WDFY4: variants seen among roughly 807,000 people sequenced by gnomAD.
The protein encoded by WDFY4 is WDFY family member 4.
Under a neutral mutation model 351.9 loss-of-function variants are expected in WDFY4, and 169 were observed. That is an observed-to-expected ratio of 0.48 (90% CI 0.42 to 0.55). The LOEUF is 0.55. Ranked by LOEUF, WDFY4 falls within the 20% of genes least tolerant of loss-of-function variation. WDFY4 has a pLI of 0.00. For missense variants in WDFY4, 3,803 were observed against 3,935.6 expected, an observed-to-expected ratio of 0.97 and a Z score of 0.90; for synonymous variants, 1,622 against 1,574.6, an observed-to-expected ratio of 1.03 and a Z score of -0.71.
intron 1 of WDFY4, among the ~76,000 whole-genome samples, chr10:48,688,172 C>T (rs1403280795): frequency 6.6e-6 from 1 of 152,204 alleles, no homozygotes; most frequent in African/African-American, 2.4e-5. Flanking sequence ...GTTCTCTATT[C>T]TGTCAATTTG....
intron 13 of WDFY4, among the ~76,000 whole-genome samples, chr10:48,768,562 A>G (rs2065750554): frequency 6.6e-6 from 1 of 152,282 alleles, no homozygotes; most frequent in East Asian, 1.9e-4. Flanking sequence ...ACTATCTGTC[A>G]GCCCTCTGGG....
chr10:48,896,568 G>A (rs1202147257), intron 44 of WDFY4, among the ~76,000 whole-genome samples: 1 of 152,178 alleles, frequency 6.6e-6, no homozygotes, highest in East Asian at 1.9e-4. Context: ...GGCCAGGCTG[G>A]GCAGCCTCTC....
At chr10:48,979,075 C>T (rs1393528561) in intron 60 of WDFY4, 7 of 152,282 alleles carry the variant, frequency 4.6e-5, no homozygotes, top group Non-Finnish European at 1.0e-4. Flanking sequence ...CTACTGTGTC[C>T]TAGGCTCTAT....
rs984791039 is a variant in WDFY4, at chr10:48,790,775, T to C, written c.4115T>C (p.Ile1372Thr). 1.1e-5 allele frequency: 17 copies of C among 1,551,674 alleles called. No homozygotes were observed. In the African/African-American group the frequency reaches 1.6e-4, roughly 15 times the overall value. Reference sequence around the variant, plus strand: ...CCTGCTGCCAGCAGCCTGGACTTCATTGGCGGGCCTGCCATCCTCCTGGGC... The same window carrying C: ...CCTGCTGCCAGCAGCCTGGACTTCACTGGCGGGCCTGCCATCCTCCTGGGC... ...SSPAASSLDF[I>T]GGPAILLGLI... Residue 1372 changes from isoleucine (I) to threonine (T), a missense_variant, in exon 23 of 62, where the codon ATT becomes ACT. Ile to Thr is a moderately conservative substitution (Grantham distance 89, BLOSUM62 -1). Transcript: ENST00000325239.
intron 47 of WDFY4, among the ~76,000 whole-genome samples, chr10:48,903,079 C>T (rs1837441057): frequency 6.6e-6 from 1 of 152,086 alleles, no homozygotes; most frequent in Non-Finnish European, 1.5e-5. Context: ...CACTGCACTC[C>T]AGCCTGGGCG....
chr10:48,827,502 G>T (rs942759076), intron 36 of WDFY4, among the ~76,000 whole-genome samples: 8 of 145,082 alleles, frequency 5.5e-5, no homozygotes, highest in African/African-American at 1.8e-4. Context: ...AGAGAGACAG[G>T]AATTATGTTC....
chr10:48,957,131 C>T lies in WDFY4; in HGVS notation c.7980C>T (p.Gly2660=), dbSNP rs745579627. The change falls in exon 52 of 62, where the codon GGC becomes GGT. Residue 2660 remains glycine, a splice_region_variant and synonymous_variant. Transcript: ENST00000325239. ...PFTQAFCALQ[G]GSFDVADRMF... ...CATGTTGGCTCCATTTCCCCCAGGGCGGAAGCTTCGACGTGGCAGACAGAA... is the reference window on the plus strand; with the variant it reads ...CATGTTGGCTCCATTTCCCCCAGGGTGGAAGCTTCGACGTGGCAGACAGAA... 2.9e-5 allele frequency: 45 copies of T among 1,548,996 alleles called. No individual in the cohort carries two copies. The highest frequency in any genetic ancestry group is 1.7e-4 in the Middle Eastern group (1 of 6,004).
chr10:48,755,412 T>C (rs898145317), intron 12 of WDFY4, among the ~76,000 whole-genome samples: 3 of 152,208 alleles, frequency 2.0e-5, no homozygotes, highest in African/African-American at 4.8e-5. Flanking sequence ...TTTTATGTAT[T>C]GCACTTTTAT....
intron 1 of WDFY4, among the ~76,000 whole-genome samples, chr10:48,697,400 T>C (rs1323698048): frequency 1.3e-5 from 2 of 152,214 alleles, no homozygotes; most frequent in African/African-American, 4.8e-5. Flanking sequence ...GCAATCACCT[T>C]AGACCTTGTA....
Position 48,969,017 on chromosome 10 carries a change from G to T in WDFY4, c.8585-47G>T, listed in dbSNP as rs771412009. On this transcript the variant is annotated intron_variant, in intron 55 of 61. Coordinates refer to ENST00000325239, the MANE Select transcript of WDFY4 (RefSeq NM_001394531.1). ...CCTGCCTGGGGGCCCAGCTGTAGTG[G>T]GTGCTGTTCTTCCATGCATAAGTTC... 3.3e-6 allele frequency: 5 copies of T among 1,533,786 alleles called. No individual in the cohort carries two copies. In the South Asian group the frequency reaches 6.0e-5, roughly 18 times the overall value.
intron 20 of WDFY4, among the ~76,000 whole-genome samples, chr10:48,787,882 CTTCTTCTTCTCCTTCTTCTTCTTCTTCTT>C (rs2066486165): frequency 1.2e-5 from 1 of 85,162 alleles, no homozygotes; most frequent in Admixed American, 1.1e-4. Context: ...TTCTTTCTTT[CTTCTTCTTCTCCTTCTTCTTCTTCTTCTT>C]CTTCTTCTTC....
chr10:48,933,746 T>C (rs1840177623), intron 47 of WDFY4, among the ~76,000 whole-genome samples: 1 of 152,132 alleles, frequency 6.6e-6, no homozygotes. Flanking sequence ...GAGTTGGCGA[T>C]GGGGCTGGCA....
At chr10:48,938,872 G>T (rs956640792) in intron 47 of WDFY4, among the ~76,000 whole-genome samples, 3 of 152,170 alleles carry the variant, frequency 2.0e-5, no homozygotes, top group Non-Finnish European at 4.4e-5. Flanking sequence ...ACCTGTCCTG[G>T]GTGGGAAGGG....
intron 35 of WDFY4, chr10:48,823,825 A>C: frequency 1.0e-6 from 1 of 988,156 alleles, no homozygotes; most frequent in Non-Finnish European, 1.2e-6. Context: ...GCTGTCTGTG[A>C]TGCCTGCCCC....
intron 2 of WDFY4, among the ~76,000 whole-genome samples, chr10:48,710,764 A>C (rs2063748496): frequency 1.3e-5 from 2 of 152,172 alleles, no homozygotes; most frequent in Admixed American, 1.3e-4. Flanking sequence ...CCAGAGCTTC[A>C]CTCACATCCC....
At position 48,878,984 on chromosome 10, in the gene WDFY4, A is replaced by G. The variant is rs566001586; in HGVS notation, c.7167+1785A>G. Among the ~76,000 whole-genome samples the G allele has an allele frequency of 1.4e-3, 210 of 152,372 alleles. 1 individual carries two copies. The highest frequency in any genetic ancestry group is 4.7e-3 in the African/African-American group (196 of 41,584). On this transcript the variant is annotated intron_variant, in intron 43 of 61. Coordinates refer to ENST00000325239, the MANE Select transcript of WDFY4 (RefSeq NM_001394531.1). ...GAAATTTTGATAAATGGATATTAAA[A>G]TATATAACACATGTATGCATAAGTG...
chr10:48,695,886 C>T (rs954948386), intron 1 of WDFY4, among the ~76,000 whole-genome samples: 1 of 152,148 alleles, frequency 6.6e-6, no homozygotes, highest in Non-Finnish European at 1.5e-5. Context: ...GCCCCTTCCA[C>T]AGGACACTGT....
rs1381618810 is a variant in WDFY4, at chr10:48,976,977, C to T, written c.9289C>T (p.Arg3097Trp). 1.4e-6 allele frequency: 2 copies of T among 1,440,806 alleles called. No homozygotes were observed. Among genetic ancestry groups the T allele is most frequent in the South Asian group, 1.5e-5 (1 of 68,238 alleles). 89.3% of individuals were successfully genotyped at this position (1,440,806 alleles called of 1,614,324 possible). Reference protein sequence around the residue: ...IITGSQDGMVRVWKTEDVKMS... With the variant: ...IITGSQDGMVWVWKTEDVKMS... ...CACCGGGAGTCAAGACGGCATGGTC[C>T]GGGTAGGTGTGTCTTGGGCAGAATG... Residue 3097 changes from arginine to tryptophan, a missense_variant and splice_region_variant, in exon 59 of 62, where the codon CGG (arginine) becomes TGG (tryptophan). Physicochemically the swap from Arg to Trp is moderately radical, Grantham distance 101. Transcript: ENST00000325239.
chr10:48,733,224 A>G (rs775691734), intron 9 of WDFY4, among the ~76,000 whole-genome samples: 1 of 152,156 alleles, frequency 6.6e-6, no homozygotes, highest in Non-Finnish European at 1.5e-5. Context: ...ATCTAGTCTT[A>G]CTTCATACTT....
Sources: gnomAD v4.1 joint callset for allele counts (sites outside exome capture counted in the v4.1 genomes callset) on GRCh38, gnomAD v4.1.1 for gene constraint, MANE v1.5 for transcripts, NCBI Gene and HGNC (gene_info 2026-07-23, HGNC 2026-07-21) for gene names.